OSBPL3: variants seen among roughly 807,000 people sequenced by gnomAD.
OSBPL3 encodes oxysterol-binding protein-related protein 3.
OSBPL3 carries 65 observed loss-of-function variants against 120.1 expected under a neutral mutation model. The ratio of observed to expected loss-of-function variants is 0.54; its 90% CI spans 0.44 to 0.67. OSBPL3 has a LOEUF of 0.67. Ranked by LOEUF, OSBPL3 falls within the 30% of genes least tolerant of loss-of-function variation. OSBPL3 has a pLI of 0.00. For missense variants in OSBPL3, 1,004 were observed against 1,082.1 expected, an observed-to-expected ratio of 0.93 and a Z score of 1.01; for synonymous variants, 416 against 402.6, an observed-to-expected ratio of 1.03 and a Z score of -0.40.
chr7:24,925,669 G>A (rs932615502), intron 1 of OSBPL3, among the ~76,000 whole-genome samples: 3 of 152,190 alleles, frequency 2.0e-5, no homozygotes, highest in Non-Finnish European at 1.5e-5. Context: ...ATTTTGATTG[G>A]AACGTTTCAT....
rs1189261016 is a variant in OSBPL3 at position 24,966,882 on chromosome 7, C to T, written c.-150+13004G>A. Among the ~76,000 whole-genome samples, 2 of 152,160 alleles carry T rather than the reference C, an allele frequency of 1.3e-5. No individual in the cohort carries two copies. Among genetic ancestry groups the T allele is most frequent in the African/African-American group, 4.8e-5 (2 of 41,426 alleles). On this transcript the variant is annotated intron_variant, in intron 1 of 22. Transcript: ENST00000313367. The surrounding 1 kb of genome is among the most constrained non-coding windows in gnomAD (Gnocchi z 4.8). Reference sequence around the variant, plus strand: ...AAATCACATACATACAAATTTATGTCAACAAATAATCATTTTTTTATTTAC... The same window carrying T: ...AAATCACATACATACAAATTTATGTTAACAAATAATCATTTTTTTATTTAC...
rs1033672885 is a variant in OSBPL3, at chr7:24,808,197, G to T, written c.2318-1295C>A. Among the ~76,000 whole-genome samples, 1 of 152,128 alleles carries T rather than the reference G, an allele frequency of 6.6e-6. No homozygotes were observed. Among genetic ancestry groups the T allele is most frequent in the Non-Finnish European group, 1.5e-5 (1 of 68,000 alleles). On this transcript the variant is annotated intron_variant, in intron 20 of 22. Coordinates refer to ENST00000313367, the MANE Select transcript of OSBPL3 (RefSeq NM_015550.4). The surrounding 1 kb of genome is among the most constrained non-coding windows in gnomAD (Gnocchi z 4.6). ...ATTACAGGCGTGAGCCACCATGCCC[G>T]ACTGGGACCCATTTTTTGAATCTTC...
intron 1 of OSBPL3, among the ~76,000 whole-genome samples, chr7:24,904,660 T>C (rs1416476737): frequency 6.6e-6 from 1 of 152,138 alleles, no homozygotes; most frequent in Non-Finnish European, 1.5e-5. Context: ...CAGAGTATTA[T>C]TCAGCTGTAA....
chr7:24,844,128 T>C, intron 12 of OSBPL3, among the ~76,000 whole-genome samples: 1 of 152,224 alleles, frequency 6.6e-6, no homozygotes, highest in East Asian at 1.9e-4. Context: ...ACCCCAAGTC[T>C]ACAGCATGGT....
Position 24,965,128 on chromosome 7 carries a change from T to C in OSBPL3, c.-150+14758A>G, listed in dbSNP as rs143546226. On this transcript the variant is annotated intron_variant, in intron 1 of 22. Transcript: ENST00000313367. The surrounding 1 kb of genome is among the most constrained non-coding windows in gnomAD (Gnocchi z 4.3). ...CAATAAGTATGTGCTCTGTATTATG[T>C]CTTCAAAAAATATTTACTGTTAATG... Among the ~76,000 whole-genome samples the C allele has an allele frequency of 2.5e-4, 38 of 152,342 alleles. No individual in the cohort carries two copies. In the East Asian group the frequency reaches 6.9e-3, roughly 28 times the overall value.
In OSBPL3 at chr7:24,881,410, G is replaced by A. The variant is rs1054792321; in HGVS notation, c.97-9341C>T. ...TAACGGAGCTTCTTTTTAATAGGGG[G>A]GTCCCTGCTTAAAGGTCCAAAGCTC... is the stretch of plus-strand genomic sequence containing the variant. On this transcript the variant is annotated intron_variant, in intron 2 of 22. Transcript: ENST00000313367. This position sits in a 1 kb window ranked among gnomAD's most constrained non-coding sequence, Gnocchi z 4.3. 7.2e-5 allele frequency among the ~76,000 whole-genome samples: 11 copies of A among 152,058 alleles called. No individual in the cohort carries two copies. Among genetic ancestry groups the A allele is most frequent in the African/African-American group, 2.7e-4 (11 of 41,404 alleles).
In OSBPL3 at chr7:24,873,546, G is replaced by GA. The variant is rs1045992850; in HGVS notation, c.97-1478dup. Reference sequence around the variant, plus strand: ...AGTTGTGAAAAAGACTTCTTCAATGGAAAAAAGCAAAGCTTCGAAAAAAGA... The same window carrying GA: ...AGTTGTGAAAAAGACTTCTTCAATGGAAAAAAAGCAAAGCTTCGAAAAAAGA... On this transcript the variant is annotated intron_variant, in intron 2 of 22. Coordinates refer to ENST00000313367, the MANE Select transcript of OSBPL3 (RefSeq NM_015550.4). The surrounding 1 kb of genome is among the most constrained non-coding windows in gnomAD (Gnocchi z 4.1). Among the ~76,000 whole-genome samples, 1 of 151,510 alleles carries GA rather than the reference G, an allele frequency of 6.6e-6. No individual in the cohort carries two copies. The highest frequency in any genetic ancestry group is 2.4e-5 in the African/African-American group (1 of 41,256).
At chr7:24,962,445 G>C (rs1279415246) in intron 1 of OSBPL3, among the ~76,000 whole-genome samples, 2 of 127,000 alleles carry the variant, frequency 1.6e-5, no homozygotes, top group African/African-American at 6.4e-5. Flanking sequence ...GAGGAGGAGA[G>C]AGGAGGAGAG....
intron 2 of OSBPL3, among the ~76,000 whole-genome samples, chr7:24,875,838 T>G (rs1464986610): frequency 6.6e-6 from 1 of 151,986 alleles, no homozygotes; most frequent in Admixed American, 6.5e-5. Context: ...AAGCAATCAC[T>G]AAAACACTGG....
chr7:24,857,738 G>A (rs1033281437), intron 10 of OSBPL3, among the ~76,000 whole-genome samples: 1 of 152,100 alleles, frequency 6.6e-6, no homozygotes, highest in Admixed American at 6.5e-5. Flanking sequence ...TTGGGAATAG[G>A]GGGGAAGATT....
intron 1 of OSBPL3, among the ~76,000 whole-genome samples, chr7:24,971,140 C>T (rs1035964641): frequency 6.6e-6 from 1 of 152,356 alleles, no homozygotes; most frequent in East Asian, 1.9e-4. Flanking sequence ...CTCTGATCCT[C>T]GGACTGCCAG....
At chr7:24,975,677 G>C (rs991990102) in intron 1 of OSBPL3, among the ~76,000 whole-genome samples, 1 of 152,174 alleles carries the variant, frequency 6.6e-6, no homozygotes, top group Non-Finnish European at 1.5e-5. Flanking sequence ...ACTAGCACAG[G>C]AGGCAACAGG....
rs1381862601 is a variant in OSBPL3, at chr7:24,842,399, A to G, written c.1281T>C (p.Asp427=). ...GDNLAEENSR[D]ENRALVHQLS... is the part of the protein sequence containing the mutation. Reference sequence around the variant, plus strand: ...GCTGATGAACTAGAGCTCGGTTTTCATCTCTGGAGTTTTCCTATTTGAAGA... The same window carrying G: ...GCTGATGAACTAGAGCTCGGTTTTCGTCTCTGGAGTTTTCCTATTTGAAGA... The change falls in exon 13 of 23, where the codon GAT becomes GAC. Residue 427 remains aspartate (D), a synonymous_variant. Transcript: ENST00000313367. 3.7e-6 allele frequency: 6 copies of G among 1,600,372 alleles called. No individual in the cohort carries two copies. The Admixed American group carries it at 8.9e-5, about 24-fold the overall frequency.
Position 24,918,099 on chromosome 7 carries a change from T to G in OSBPL3, c.-149-25478A>C. On this transcript the variant is annotated intron_variant, in intron 1 of 22. Transcript: ENST00000313367. The surrounding 1 kb of genome is among the most constrained non-coding windows in gnomAD (Gnocchi z 4.3). ...ACATAATGACAAGCACAGGTGCTGT[T>G]TCTCAGTGTGTATCAGGCTCACAGC... The G allele has an allele frequency of 1.0e-6, 1 of 984,632 alleles. No individual in the cohort carries two copies. The highest frequency in any genetic ancestry group is 1.2e-6 in the Non-Finnish European group (1 of 829,224). 61.0% of individuals were successfully genotyped at this position (984,632 alleles called of 1,614,324 possible). A position where few individuals can be genotyped will look rare whatever the true frequency, so the allele number is the denominator to read the frequency against.
chr7:24,866,116 A>G lies in OSBPL3; in HGVS notation c.503T>C (p.Ile168Thr), dbSNP rs559452314. 5.6e-6 allele frequency: 9 copies of G among 1,613,842 alleles called. No individual in the cohort carries two copies. In the Admixed American group the frequency reaches 8.3e-5, roughly 15 times the overall value. Reference protein sequence around the residue: ...EVNHFFSGSTITDSSSGVFDS... With the variant: ...EVNHFFSGSTTTDSSSGVFDS... The stretch of plus-strand genomic sequence containing the variant: ...AAACACCCCAGATGAAGAGTCTGTG[A>G]TGGTGGACCCTGAGAAAAAGTGGTT... Residue 168 changes from isoleucine to threonine, a missense_variant, in exon 6 of 23, where the codon ATC becomes ACC. Ile to Thr is a moderately conservative substitution (Grantham distance 89). This residue lies in a region of OSBPL3 where 255 missense variants were observed against 248.7 expected (regional missense o/e 1.03). Coordinates refer to ENST00000313367, the MANE Select transcript of OSBPL3 (RefSeq NM_015550.4).
intron 14 of OSBPL3, among the ~76,000 whole-genome samples, chr7:24,839,538 A>G (rs1476159537): frequency 1.3e-5 from 2 of 152,164 alleles, no homozygotes; most frequent in Admixed American, 1.3e-4. Context: ...GTTACTTTCA[A>G]ATGTGTTGTT....
chr7:24,906,384 T>C (rs1295530608), intron 1 of OSBPL3: 3 of 260,130 alleles, frequency 1.2e-5, no homozygotes. Flanking sequence ...TTGCCCCTGC[T>C]GGGGAGAGGC....
rs762778508 is a variant in OSBPL3 at position 24,834,287 on chromosome 7, C to A, written c.1746+199G>T. 2.1e-5 allele frequency: 29 copies of A among 1,413,440 alleles called. No homozygotes were observed. Among genetic ancestry groups the A allele is most frequent in the African/African-American group, 2.9e-5 (2 of 69,012 alleles). 87.6% of individuals were successfully genotyped at this position (1,413,440 alleles called of 1,614,324 possible). On this transcript the variant is annotated intron_variant, in intron 15 of 22. Transcript: ENST00000313367. This position sits in a 1 kb window ranked among gnomAD's most constrained non-coding sequence, Gnocchi z 5.2. ...CAAGTGCCACGGAGAAGCACCCCAA[C>A]CCCGTCTCCAAATCCTCACAAGGTG...
Position 24,892,381 on chromosome 7 carries a change from C to A in OSBPL3, c.92G>T (p.Arg31Leu). 1 of 1,613,158 alleles carries A rather than the reference C, an allele frequency of 6.2e-7. No homozygotes were observed. The highest frequency in any genetic ancestry group is 8.5e-7 in the Non-Finnish European group (1 of 1,179,290). Residue 31 changes from arginine (R) to leucine (L), a missense_variant, in exon 2 of 23, where the codon CGA becomes CTA. By Grantham distance (102) the Arg-to-Leu change is moderately radical. Around this residue, in one of 4 missense-constraint regions of OSBPL3, gnomAD observed 255 missense variants for 248.7 expected, o/e 1.03. Transcript: ENST00000313367. Reference sequence around the variant, plus strand: ...TTTGCATGAGTTAAACTTTACCTGTCGACTTCCTTGCTTGGAAGAGCAGCT... The same window carrying A: ...TTTGCATGAGTTAAACTTTACCTGTAGACTTCCTTGCTTGGAAGAGCAGCT... ...TSSCSSKQGS[R>L]QDSWEVVEGL...
Sources: gnomAD v4.1 joint callset for allele counts (sites outside exome capture counted in the v4.1 genomes callset) on GRCh38, gnomAD v4.1.1 for gene constraint, gnomAD v4.1.1 regional missense constraint, Gnocchi (gnomAD v3.1) non-coding constraint, MANE v1.5 for transcripts, NCBI Gene and HGNC (gene_info 2026-07-23, HGNC 2026-07-21) for gene names.